MRPS5: variants seen among roughly 807,000 people sequenced by gnomAD.
The protein encoded by MRPS5 is mitochondrial ribosomal protein S5.
In MRPS5, 27 loss-of-function variants were observed where a neutral mutation model predicts 51.9. The ratio of observed to expected loss-of-function variants is 0.52; its 90% CI spans 0.38 to 0.72. The LOEUF (loss-of-function observed/expected upper bound fraction) is 0.72, where lower values mean the gene tolerates loss of function less well. Among genes scored for constraint, MRPS5 ranks in the 30% least tolerant of loss-of-function variants. The pLI is 0.00. For missense variants in MRPS5, 570 were observed against 545.7 expected, an observed-to-expected ratio of 1.04 and a Z score of -0.44; for synonymous variants, 196 against 193.2, an observed-to-expected ratio of 1.01 and a Z score of -0.12.
chr2:95,091,278 C>G (rs1675459406), intron 10 of MRPS5: 1 of 153,424 alleles, frequency 6.5e-6, no homozygotes, highest in African/African-American at 2.4e-5. Context: ...GGGATTCCCT[C>G]TGCCTGGAAT....
At chr2:95,094,934 G>T (rs1218787644) in intron 10 of MRPS5, among the ~76,000 whole-genome samples, 2 of 152,140 alleles carry the variant, frequency 1.3e-5, no homozygotes, top group Admixed American at 1.3e-4. Context: ...ACATAGACTG[G>T]CAAATTGGAT....
chr2:95,102,098 TAC>T (rs1384072931), intron 7 of MRPS5: 2 of 182,030 alleles, frequency 1.1e-5, no homozygotes, highest in Non-Finnish European at 2.3e-5. Flanking sequence ...AGTTTGAGGG[TAC>T]AGTGAGCTAT....
At position 95,090,598 on chromosome 2, in the gene MRPS5, GGCT is replaced by G. The variant is rs1675437424; in HGVS notation, c.932-79_932-77del. ...GGAGTCACCCTGCTGGCTTTCGCAT[GGCT>G]TCAGGCTCTGGGCTTCGGGAAACTG... On this transcript the variant is annotated intron_variant, in intron 10 of 11. Transcript: ENST00000272418. 9.6e-6 allele frequency: 15 copies of G among 1,566,640 alleles called. 1 individual carries two copies. The South Asian group carries it at 1.7e-4, about 18-fold the overall frequency.
intron 10 of MRPS5, chr2:95,092,663 G>A (rs1327947369): frequency 1.3e-5 from 2 of 152,184 alleles, no homozygotes; most frequent in Non-Finnish European, 2.9e-5. Flanking sequence ...GAAAAATACA[G>A]CTTTGATTAG....
chr2:95,101,757 C>T, intron 7 of MRPS5, 34 bp from the exon 8 acceptor site: 4 of 1,543,798 alleles, frequency 2.6e-6, no homozygotes, highest in Non-Finnish European at 2.6e-6. Context: ...AGAAAAGAGA[C>T]AGAAATTTTG....
At position 95,115,218 on chromosome 2, in the gene MRPS5, G is replaced by A. The variant is rs1676252130; in HGVS notation, c.140-15C>T. ...TGACAAATGGCCTGTAGGCAGATGG[G>A]TTAAACTTTGAGTTAGATGTTTCAC... On this transcript the variant is annotated splice_polypyrimidine_tract_variant and intron_variant, in intron 2 of 11. Transcript: ENST00000272418. The A allele has an allele frequency of 6.4e-7, 1 of 1,567,426 alleles. No individual in the cohort carries two copies. The highest frequency in any genetic ancestry group is 8.6e-7 in the Non-Finnish European group (1 of 1,161,600).
At chr2:95,108,124 A>T (rs1233034432) in intron 5 of MRPS5, 51 bp downstream of exon 5, 3 of 1,515,598 alleles carry the variant, frequency 2.0e-6, no homozygotes, top group Non-Finnish European at 2.7e-6. Context: ...GGAAATTCTA[A>T]ACTACAAGTA....
Position 95,088,027 on chromosome 2 carries a change from G to A in MRPS5, c.1069-446C>T, listed in dbSNP as rs1675347471. ...TGGTTTCCTCAACAAAAAATCATAA[G>A]CGGGGCGGGGGTGGGGGAAGAGGAG... is the stretch of plus-strand genomic sequence containing the variant. On this transcript the variant is annotated intron_variant, in intron 11 of 11. Transcript: ENST00000272418. Among the ~76,000 whole-genome samples, 3 of 150,836 alleles carry A rather than the reference G, an allele frequency of 2.0e-5. No individual in the cohort carries two copies. In the South Asian group the frequency reaches 6.4e-4, roughly 32 times the overall value.
At chr2:95,117,784 T>C in intron 2 of MRPS5, 81 bp downstream of exon 2, 1 of 1,153,696 alleles carries the variant, frequency 8.7e-7, no homozygotes, top group South Asian at 1.4e-5. Context: ...AAGCAGGTGA[T>C]TACTTATATT....
intron 3 of MRPS5, among the ~76,000 whole-genome samples, chr2:95,110,587 G>C (rs1676090047): frequency 6.6e-6 from 1 of 152,184 alleles, no homozygotes; most frequent in Non-Finnish European, 1.5e-5. Context: ...AGGATCACTT[G>C]AGGCCAGAGT....
At chr2:95,110,204 G>A (rs753325741) in intron 3 of MRPS5, among the ~76,000 whole-genome samples, 163 bp from the exon 4 acceptor site, 6 of 152,090 alleles carry the variant, frequency 3.9e-5, no homozygotes, top group South Asian at 2.1e-4. Context: ...CACATCAGAC[G>A]GTTACACTTG....
At chr2:95,098,345 T>C (rs909660379) in intron 10 of MRPS5, among the ~76,000 whole-genome samples, 63 of 152,326 alleles carry the variant, frequency 4.1e-4, no homozygotes, top group African/African-American at 1.4e-3. Context: ...ACTGGGTATA[T>C]ACCCAAAGCA....
Position 95,106,466 on chromosome 2 carries a change from A to C in MRPS5, c.638-9T>G. 6.3e-7 allele frequency: 1 copy of C among 1,590,600 alleles called. No homozygotes were observed. Among genetic ancestry groups the C allele is most frequent in the Non-Finnish European group, 8.6e-7 (1 of 1,164,940 alleles). On this transcript the variant is annotated splice_polypyrimidine_tract_variant and intron_variant, in intron 5 of 11. Transcript: ENST00000272418. Reference sequence around the variant, plus strand: ...AAAATCCTCATATGTTTCTGTAGGGAGAAAAGAAACAGGGATACAGATGAA... The same window carrying C: ...AAAATCCTCATATGTTTCTGTAGGGCGAAAAGAAACAGGGATACAGATGAA...
chr2:95,099,147 G>A (rs763104742), intron 10 of MRPS5, among the ~76,000 whole-genome samples: 27 of 150,888 alleles, frequency 1.8e-4, no homozygotes, highest in Non-Finnish European at 2.8e-4. Context: ...CTCAATCTCC[G>A]GACCTCGTGA....
intron 4 of MRPS5, among the ~76,000 whole-genome samples, chr2:95,108,740 G>A (rs1377277857): frequency 6.6e-6 from 1 of 152,132 alleles, no homozygotes; most frequent in African/African-American, 2.4e-5. Context: ...CTCCAGCATA[G>A]GAAACACTCT....
chr2:95,100,087 G>A (rs1675751563), intron 10 of MRPS5, among the ~76,000 whole-genome samples: 1 of 152,072 alleles, frequency 6.6e-6, no homozygotes, highest in African/African-American at 2.4e-5. Flanking sequence ...GCTCACAGAA[G>A]GCATTCAATC....
chr2:95,112,017 G>A (rs1676133995), intron 3 of MRPS5, among the ~76,000 whole-genome samples: 1 of 152,044 alleles, frequency 6.6e-6, no homozygotes, highest in Non-Finnish European at 1.5e-5. Context: ...CCAGAAGGGT[G>A]CAGTTAGGTT....
chr2:95,112,074 T>C (rs926652041), intron 3 of MRPS5, among the ~76,000 whole-genome samples: 1 of 152,184 alleles, frequency 6.6e-6, no homozygotes, highest in East Asian at 1.9e-4. Context: ...ATGTTTTGTT[T>C]TTTTTTGGAG....
At chr2:95,106,376 C>A in intron 6 of MRPS5, 47 bp downstream of exon 6, 4 of 1,401,550 alleles carry the variant, frequency 2.9e-6, no homozygotes, top group South Asian at 1.2e-5. Flanking sequence ...CCCACCCACC[C>A]CAACCTCTCC....
Sources: gnomAD v4.1 joint callset for allele counts (sites outside exome capture counted in the v4.1 genomes callset) on GRCh38, gnomAD v4.1.1 for gene constraint, MANE v1.5 for transcripts, NCBI Gene and HGNC (gene_info 2026-07-23, HGNC 2026-07-21) for gene names.